Variants in BCL2 observed in about 807,000 individuals in gnomAD.
BCL2 encodes BCL2 apoptosis regulator.
In BCL2, 1 loss-of-function variant was observed where a neutral mutation model predicts 14.2. The ratio of observed to expected loss-of-function variants is 0.07; its 90% CI spans 0.02 to 0.33. The LOEUF (loss-of-function observed/expected upper bound fraction) is 0.33, where lower values mean the gene tolerates loss of function less well. BCL2 is among the 10% of genes least tolerant of loss of function. The pLI, the probability that BCL2 is intolerant of heterozygous loss-of-function variation, is 0.99. For missense variants in BCL2, 247 were observed against 305.9 expected, an observed-to-expected ratio of 0.81 and a Z score of 1.44; for synonymous variants, 151 against 137.2, an observed-to-expected ratio of 1.10 and a Z score of -0.70.
At chr18:63,286,286 C>T (rs4987722) in intron 2 of BCL2, among the ~76,000 whole-genome samples, 2,775 of 152,248 alleles carry the variant, frequency 0.018, 95 homozygotes, top group African/African-American at 0.063. Flanking sequence ...GAATTGAGCA[C>T]CTTTTACACA....
At chr18:63,250,184 T>G (rs911499123) in intron 2 of BCL2, among the ~76,000 whole-genome samples, 20 of 152,194 alleles carry the variant, frequency 1.3e-4, no homozygotes, top group African/African-American at 4.8e-4. Flanking sequence ...AACTAGGAAC[T>G]GCACATCTGA....
chr18:63,258,877 TA>T (rs915826854), intron 2 of BCL2, among the ~76,000 whole-genome samples: 3 of 152,240 alleles, frequency 2.0e-5, no homozygotes, highest in African/African-American at 7.2e-5. Flanking sequence ...AAGAACCGAC[TA>T]AAGGGAAAAC....
At chr18:63,195,432 C>T (rs1909418505) in intron 2 of BCL2, among the ~76,000 whole-genome samples, 1 of 152,208 alleles carries the variant, frequency 6.6e-6, no homozygotes, top group African/African-American at 2.4e-5. Context: ...CACTCCTTCA[C>T]CTTCTTTTAA....
chr18:63,137,602 G>C (rs1271017201), intron 2 of BCL2, among the ~76,000 whole-genome samples: 3 of 152,118 alleles, frequency 2.0e-5, no homozygotes, highest in Admixed American at 6.5e-5. Flanking sequence ...TCCTCCCAGG[G>C]ACTGATGGTT....
Position 63,319,125 on chromosome 18 carries a change from G to T in BCL2, c.-287+49C>A, listed in dbSNP as rs956782606. 7 of 966,696 alleles carry T rather than the reference G, an allele frequency of 7.2e-6. No individual in the cohort carries two copies. In the East Asian group the frequency reaches 3.1e-4, roughly 42 times the overall value. The allele number at this position is 966,696 out of a possible 1,614,324, so 59.9% of individuals were successfully genotyped here. A position where few individuals can be genotyped will look rare whatever the true frequency, so the allele number is the denominator to read the frequency against. ...GCACTTTAAGTAAAAAATCTCAAAG[G>T]TTTCCATTGAAAGTTACATTAAACC... On this transcript the variant is annotated intron_variant, in intron 1 of 2. Transcript: ENST00000333681.
intron 2 of BCL2, among the ~76,000 whole-genome samples, chr18:63,234,983 A>G (rs1910784489): frequency 1.3e-5 from 2 of 152,218 alleles, no homozygotes; most frequent in African/African-American, 2.4e-5. Context: ...CAATAAGCCA[A>G]TAAAGAAACA....
intron 2 of BCL2, among the ~76,000 whole-genome samples, chr18:63,265,074 G>A (rs1052782686): frequency 1.3e-5 from 2 of 152,196 alleles, no homozygotes; most frequent in African/African-American, 4.8e-5. Context: ...GGCACTCCAG[G>A]TGGCTCCAGC....
At chr18:63,251,775 T>C (rs1211387450) in intron 2 of BCL2, among the ~76,000 whole-genome samples, 1 of 151,108 alleles carries the variant, frequency 6.6e-6, no homozygotes, top group East Asian at 2.0e-4. Context: ...CTCGTCTCAC[T>C]ACAAACTCCA....
intron 2 of BCL2, among the ~76,000 whole-genome samples, chr18:63,266,656 C>CACACACAAAA (rs768525120): frequency 6.7e-6 from 1 of 150,344 alleles, no homozygotes; most frequent in Admixed American, 6.6e-5. Flanking sequence ...CACACACACA[C>CACACACAAAA]AAAAATATAT....
chr18:63,207,306 A>G (rs1324384544), intron 2 of BCL2, among the ~76,000 whole-genome samples: 1 of 152,240 alleles, frequency 6.6e-6, no homozygotes, highest in Non-Finnish European at 1.5e-5. Flanking sequence ...GATCCACAAA[A>G]CTGCACCTGG....
intron 2 of BCL2, among the ~76,000 whole-genome samples, chr18:63,283,096 C>T (rs890405069): frequency 1.2e-4 from 19 of 152,264 alleles, no homozygotes; most frequent in Middle Eastern, 6.8e-3. Context: ...ATTAATGAAA[C>T]TTTCAAGACC....
Position 63,132,247 on chromosome 18 carries a change from T to G in BCL2, c.586-3488A>C, listed in dbSNP as rs376671056. Among the ~76,000 whole-genome samples, 14 of 152,302 alleles carry G rather than the reference T, an allele frequency of 9.2e-5. No homozygotes were observed. The East Asian group carries it at 2.7e-3, about 29-fold the overall frequency. ...TTTACTTCATCCATAGCCATAAAATTCATTATTGTGAAGATTAACGTAGGT... is the reference window on the plus strand; with the variant it reads ...TTTACTTCATCCATAGCCATAAAATGCATTATTGTGAAGATTAACGTAGGT... On this transcript the variant is annotated intron_variant, in intron 2 of 2. Coordinates refer to ENST00000333681, the MANE Select transcript of BCL2 (RefSeq NM_000633.3).
chr18:63,135,698 A>G (rs4941183), intron 2 of BCL2, among the ~76,000 whole-genome samples: 64,862 of 151,872 alleles, frequency 0.43, 14,263 homozygotes, highest in Admixed American at 0.48. Context: ...TCCTCCGTCA[A>G]TTGTCCCTGC....
intron 2 of BCL2, among the ~76,000 whole-genome samples, chr18:63,196,906 T>G (rs1049022468): frequency 9.2e-5 from 14 of 152,204 alleles, no homozygotes; most frequent in African/African-American, 3.4e-4. Flanking sequence ...CAGTGCAACT[T>G]ACTTTCCCTC....
At chr18:63,159,376 T>C (rs904914015) in intron 2 of BCL2, among the ~76,000 whole-genome samples, 1 of 152,232 alleles carries the variant, frequency 6.6e-6, no homozygotes, top group Non-Finnish European at 1.5e-5. Flanking sequence ...CGAACATCAC[T>C]GCGTCTGGAG....
At chr18:63,137,484 T>G (rs1043703558) in intron 2 of BCL2, among the ~76,000 whole-genome samples, 1 of 152,212 alleles carries the variant, frequency 6.6e-6, no homozygotes, top group Non-Finnish European at 1.5e-5. Flanking sequence ...TCAAACATCC[T>G]AATAGATAAT....
intron 2 of BCL2, among the ~76,000 whole-genome samples, chr18:63,273,564 G>A (rs1463742485): frequency 1.3e-5 from 2 of 152,110 alleles, no homozygotes; most frequent in Non-Finnish European, 2.9e-5. Context: ...TCTGTCCTTC[G>A]ATTGCTAGGT....
chr18:63,136,148 T>C (rs560735972), intron 2 of BCL2, among the ~76,000 whole-genome samples: 1 of 152,350 alleles, frequency 6.6e-6, no homozygotes, highest in East Asian at 1.9e-4. Context: ...GGCTTCTGTC[T>C]GGACATTTTC....
chr18:63,198,722 CAG>C (rs1909551641), intron 2 of BCL2, among the ~76,000 whole-genome samples: 1 of 137,390 alleles, frequency 7.3e-6, no homozygotes, highest in African/African-American at 2.8e-5. Context: ...CACACACACA[CAG>C]ACACACACAG....
Sources: gnomAD v4.1 joint callset for allele counts (sites outside exome capture counted in the v4.1 genomes callset) on GRCh38, gnomAD v4.1.1 for gene constraint, MANE v1.5 for transcripts, NCBI Gene and HGNC (gene_info 2026-07-23, HGNC 2026-07-21) for gene names.